Variants in DAB1 observed in about 807,000 individuals in gnomAD.
DAB1 encodes disabled homolog 1.
Under a neutral mutation model 64.6 loss-of-function variants are expected in DAB1, and 15 were observed. The ratio of observed to expected loss-of-function variants is 0.23; its 90% CI spans 0.16 to 0.36. DAB1 has a LOEUF of 0.36. DAB1 is among the 10% of genes least tolerant of loss of function. The pLI, the probability that DAB1 is intolerant of heterozygous loss-of-function variation, is 1.00. For missense variants in DAB1, 596 were observed against 706.7 expected (o/e 0.84, Z 1.78); for synonymous variants, 235 against 251.9 (o/e 0.93, Z 0.64).
chr1:57,781,771 C>A (rs554829328), intron 6 of DAB1, among the ~76,000 whole-genome samples: 1 of 149,100 alleles, frequency 6.7e-6, no homozygotes, highest in African/African-American at 2.5e-5. Context: ...TTAAATTGGG[C>A]AAATTATTTA....
intron 9 of DAB1, among the ~76,000 whole-genome samples, chr1:57,038,355 T>A (rs970612606): frequency 6.6e-6 from 1 of 152,212 alleles, no homozygotes; most frequent in Non-Finnish European, 1.5e-5. Context: ...TGGAGTTTTT[T>A]AGAAGAAAGT....
intron 2 of DAB1, among the ~76,000 whole-genome samples, chr1:57,282,097 C>T (rs969819590): frequency 2.0e-5 from 3 of 147,624 alleles, no homozygotes; most frequent in Admixed American, 1.4e-4. Flanking sequence ...GCAGGAGAAT[C>T]GCTTGAACCT....
intron 3 of DAB1, among the ~76,000 whole-genome samples, chr1:58,423,074 C>CCCTGT (rs1644787885): frequency 6.6e-6 from 1 of 152,178 alleles, no homozygotes; most frequent in Non-Finnish European, 1.5e-5. Flanking sequence ...ACCACCTCTT[C>CCCTGT]CCTGTTCCGA....
chr1:57,514,412 G>T (rs6587769), intron 7 of DAB1, among the ~76,000 whole-genome samples: 28,131 of 152,044 alleles, frequency 0.19, 2,899 homozygotes, highest in Non-Finnish European at 0.24. Flanking sequence ...TTTTAATTTG[G>T]ATTTCTCTGA....
intron 5 of DAB1, among the ~76,000 whole-genome samples, chr1:57,890,456 C>CTTTTTTTTTTTTT (rs71246207): frequency 2.2e-5 from 3 of 136,614 alleles, no homozygotes; most frequent in Admixed American, 7.6e-5. Context: ...CTTTTCTTTT[C>CTTTTTTTTTTTTT]TTTTTTTTTT....
intron 6 of DAB1, among the ~76,000 whole-genome samples, chr1:57,679,932 T>C (rs1172610432): frequency 6.6e-6 from 1 of 152,212 alleles, no homozygotes; most frequent in Non-Finnish European, 1.5e-5. Context: ...TTTGTTCATA[T>C]AATGTAAACT....
intron 6 of DAB1, among the ~76,000 whole-genome samples, chr1:57,762,387 A>G (rs1457327413): frequency 6.6e-6 from 1 of 152,132 alleles, no homozygotes; most frequent in African/African-American, 2.4e-5. Flanking sequence ...ATTATAAATC[A>G]CTGTTGTAAC....
chr1:57,833,650 G>T (rs1652686983), intron 1 of DAB1, among the ~76,000 whole-genome samples: 1 of 152,214 alleles, frequency 6.6e-6, no homozygotes, highest in Non-Finnish European at 1.5e-5. Context: ...AATAAAAATA[G>T]TTGGTGAATT....
chr1:58,530,655 A>G (rs765736813), intron 1 of DAB1: 1 of 872,858 alleles, frequency 1.1e-6, no homozygotes, highest in Non-Finnish European at 2.0e-6. Flanking sequence ...TATCTCGAGG[A>G]CAAATGGCCC....
intron 9 of DAB1, among the ~76,000 whole-genome samples, chr1:57,028,287 C>T (rs898514917): frequency 6.6e-6 from 1 of 152,202 alleles, no homozygotes; most frequent in Non-Finnish European, 1.5e-5. Context: ...TCCTCACTTT[C>T]CCTTGCTGCT....
intron 1 of DAB1, among the ~76,000 whole-genome samples, chr1:57,407,935 A>C (rs1463979503): frequency 6.6e-6 from 1 of 152,200 alleles, no homozygotes; most frequent in Non-Finnish European, 1.5e-5. Flanking sequence ...GTTTGATGAG[A>C]CCAAAGAGTC....
At chr1:58,103,915 C>T (rs2100637466) in intron 5 of DAB1, among the ~76,000 whole-genome samples, 1 of 152,268 alleles carries the variant, frequency 6.6e-6, no homozygotes. Context: ...GTCTTGACTC[C>T]TTCACCCTTT....
intron 5 of DAB1, among the ~76,000 whole-genome samples, chr1:57,981,660 C>T (rs1400549861): frequency 1.3e-5 from 2 of 152,032 alleles, no homozygotes; most frequent in Non-Finnish European, 2.9e-5. Context: ...CTATCCTTGC[C>T]CAAATAGTAT....
intron 5 of DAB1, among the ~76,000 whole-genome samples, chr1:58,142,646 C>G (rs143748682): frequency 4.6e-5 from 7 of 152,320 alleles, no homozygotes; most frequent in African/African-American, 1.2e-4. Flanking sequence ...AGAAGGTAAC[C>G]TTTGAATATA....
intron 1 of DAB1, among the ~76,000 whole-genome samples, chr1:57,834,391 A>C (rs1652717941): frequency 6.6e-6 from 1 of 152,212 alleles, no homozygotes; most frequent in Non-Finnish European, 1.5e-5. Flanking sequence ...TTTTGAACAC[A>C]GTAGATACTC....
chr1:57,034,071 G>A (rs1277005798), intron 9 of DAB1, among the ~76,000 whole-genome samples: 1 of 152,066 alleles, frequency 6.6e-6, no homozygotes, highest in Non-Finnish European at 1.5e-5. Context: ...ACGAGGTCAG[G>A]AGATCGAGAC....
At chr1:58,092,896 G>A (rs12094742) in intron 5 of DAB1, among the ~76,000 whole-genome samples, 5,743 of 152,230 alleles carry the variant, frequency 0.038, 337 homozygotes, top group African/African-American at 0.13. Context: ...TCTACTCCCA[G>A]TTTGGTTTCT....
chr1:58,211,196 A>C (rs1348514434), intron 4 of DAB1, among the ~76,000 whole-genome samples: 1 of 152,164 alleles, frequency 6.6e-6, no homozygotes, highest in Non-Finnish European at 1.5e-5. Flanking sequence ...CTCTACATCA[A>C]GATTTATCTT....
chr1:57,502,481 T>A (rs1382425766), intron 7 of DAB1, among the ~76,000 whole-genome samples: 1 of 152,148 alleles, frequency 6.6e-6, no homozygotes, highest in Non-Finnish European at 1.5e-5. Context: ...CACTTAACCA[T>A]CTCCAATATC....
Sources: gnomAD v4.1 joint callset for allele counts (sites outside exome capture counted in the v4.1 genomes callset) on GRCh38, gnomAD v4.1.1 for gene constraint, MANE v1.5 for transcripts, NCBI Gene and HGNC (gene_info 2026-07-23, HGNC 2026-07-21) for gene names.